Variants in UBR3 observed in about 807,000 individuals in gnomAD.
The protein encoded by UBR3 is E3 ubiquitin-protein ligase UBR3.
UBR3 carries 85 observed loss-of-function variants against 243.2 expected under a neutral mutation model. That is an observed-to-expected ratio of 0.35 (90% CI 0.29 to 0.42). The LOEUF is 0.42. Ranked by LOEUF, UBR3 falls within the 10% of genes least tolerant of loss-of-function variation. The pLI is 1.00. For missense variants in UBR3, 1,686 were observed against 2,300.8 expected, an observed-to-expected ratio of 0.73 and a Z score of 5.47; for synonymous variants, 748 against 799.8, an observed-to-expected ratio of 0.94 and a Z score of 1.09.
chr2:169,859,081 C>CTTTTTTTGTTTTTTTT (rs2082990866), intron 1 of UBR3, among the ~76,000 whole-genome samples: 1 of 99,748 alleles, frequency 1.0e-5, no homozygotes, highest in Non-Finnish European at 2.0e-5. Context: ...CTCACCATGG[C>CTTTTTTTGTTTTTTTT]TTTTTTTTTT....
chr2:170,019,419 C>T (rs1215986883), intron 30 of UBR3, among the ~76,000 whole-genome samples: 4 of 152,130 alleles, frequency 2.6e-5, no homozygotes, highest in African/African-American at 9.7e-5. Flanking sequence ...TGCGGTGGCT[C>T]ACTCATGTGA....
intron 11 of UBR3, among the ~76,000 whole-genome samples, chr2:169,918,701 T>C (rs183360852): frequency 1.8e-4 from 27 of 152,248 alleles, no homozygotes; most frequent in Middle Eastern, 6.8e-3. Context: ...TCCTATAAGA[T>C]AGGCCATTTA....
intron 11 of UBR3, among the ~76,000 whole-genome samples, chr2:169,919,693 A>G (rs1329509179): frequency 6.6e-6 from 1 of 152,254 alleles, no homozygotes; most frequent in Non-Finnish European, 1.5e-5. Context: ...TATGCAGCCA[A>G]AAGACACATG....
intron 35 of UBR3, among the ~76,000 whole-genome samples, chr2:170,067,706 A>G (rs1314128606): frequency 6.6e-6 from 1 of 152,302 alleles, no homozygotes; most frequent in East Asian, 1.9e-4. Flanking sequence ...AAAATCATCA[A>G]ATCTGTGATA....
At chr2:169,853,841 T>C (rs1574050057) in intron 1 of UBR3, among the ~76,000 whole-genome samples, 2 of 152,178 alleles carry the variant, frequency 1.3e-5, no homozygotes, top group South Asian at 4.2e-4. Flanking sequence ...TGTTTATATG[T>C]GCATATGTAT....
chr2:169,915,099 T>C (rs1037687497), intron 11 of UBR3, among the ~76,000 whole-genome samples: 3 of 152,220 alleles, frequency 2.0e-5, no homozygotes, highest in Non-Finnish European at 4.4e-5. Context: ...TTAATTCTTA[T>C]AACTCATTCA....
chr2:169,892,770 G>A lies in UBR3; in HGVS notation c.1105+1539G>A, dbSNP rs372270511. On this transcript the variant is annotated intron_variant, in intron 6 of 38. Transcript: ENST00000272793. ...GTGCACTGAAAAGAAAATATGTAATGGTAAGGAAGAGGCCAGACACTATGC... is the reference window on the plus strand; with the variant it reads ...GTGCACTGAAAAGAAAATATGTAATAGTAAGGAAGAGGCCAGACACTATGC... 2.0e-3 allele frequency among the ~76,000 whole-genome samples: 302 copies of A among 152,246 alleles called. 3 individuals are homozygous for A. The highest frequency in any genetic ancestry group is 7.0e-3 in the African/African-American group (290 of 41,552).
chr2:170,023,143 T>TG (rs1002270373), intron 30 of UBR3, among the ~76,000 whole-genome samples: 39 of 150,332 alleles, frequency 2.6e-4, no homozygotes, highest in South Asian at 8.5e-4. Flanking sequence ...GTTGAGTTTT[T>TG]TTTTTTTTTT....
intron 31 of UBR3, among the ~76,000 whole-genome samples, chr2:170,031,759 A>T (rs370791015): frequency 6.6e-6 from 1 of 152,112 alleles, no homozygotes; most frequent in Non-Finnish European, 1.5e-5. Flanking sequence ...CTCACTTATA[A>T]GTGAGAACGT....
rs534058287 is a variant in UBR3, at chr2:170,083,994, A to G, written c.*2151A>G. ...GGTGTGATATCTTGTATGAATGATCATTTAAATACAGTACATTACTGTAGA... is the reference window on the plus strand; with the variant it reads ...GGTGTGATATCTTGTATGAATGATCGTTTAAATACAGTACATTACTGTAGA... On this transcript the variant is annotated 3_prime_UTR_variant, in exon 39 of 39. Coordinates refer to ENST00000272793, the MANE Select transcript of UBR3 (RefSeq NM_172070.4). 6.6e-6 allele frequency: 1 copy of G among 152,632 alleles called. No individual in the cohort carries two copies. The highest frequency in any genetic ancestry group is 1.5e-5 in the Non-Finnish European group (1 of 68,030). 9.5% of individuals were successfully genotyped at this position (152,632 alleles called of 1,614,324 possible).
chr2:169,941,598 A>G (rs564871746), intron 19 of UBR3, among the ~76,000 whole-genome samples: 1 of 152,324 alleles, frequency 6.6e-6, no homozygotes, highest in Non-Finnish European at 1.5e-5. Flanking sequence ...CCTAACTTTT[A>G]TTACAGTATA....
At position 170,066,277 on chromosome 2, in the gene UBR3, A is replaced by G. The variant is rs79622617; in HGVS notation, c.5019+4834A>G. 5.6e-3 allele frequency among the ~76,000 whole-genome samples: 851 copies of G among 152,330 alleles called. 8 individuals are homozygous for G. The highest frequency in any genetic ancestry group is 0.019 in the African/African-American group (800 of 41,578). On this transcript the variant is annotated intron_variant, in intron 35 of 38. Coordinates refer to ENST00000272793, the MANE Select transcript of UBR3 (RefSeq NM_172070.4). ...CTAATTTTGTTAAATATCTTAGTCTAGCACTATTTCTACCACCATGTTAGG... is the reference window on the plus strand; with the variant it reads ...CTAATTTTGTTAAATATCTTAGTCTGGCACTATTTCTACCACCATGTTAGG...
intron 20 of UBR3, among the ~76,000 whole-genome samples, chr2:169,944,498 T>A (rs563509440): frequency 1.2e-4 from 18 of 152,314 alleles, no homozygotes; most frequent in African/African-American, 3.8e-4. Flanking sequence ...GTTACAAGAC[T>A]ATTATAAATG....
chr2:169,862,063 G>C (rs1012030432), intron 1 of UBR3, among the ~76,000 whole-genome samples: 1 of 151,874 alleles, frequency 6.6e-6, no homozygotes, highest in Non-Finnish European at 1.5e-5. Context: ...TTCATGTACC[G>C]TTACCATATT....
chr2:169,968,796 C>T (rs2087946260), intron 24 of UBR3, among the ~76,000 whole-genome samples: 1 of 152,182 alleles, frequency 6.6e-6, no homozygotes, highest in South Asian at 2.1e-4. Flanking sequence ...TACTAATTTA[C>T]ATTCTTACTA....
intron 32 of UBR3, among the ~76,000 whole-genome samples, chr2:170,052,414 T>C (rs2091239430): frequency 6.6e-6 from 1 of 152,232 alleles, no homozygotes; most frequent in Admixed American, 6.5e-5. Context: ...ATGTTCATTA[T>C]GGCTTTAATC....
In UBR3 at chr2:170,083,318, A is replaced by C. The variant is rs909646516; in HGVS notation, c.*1475A>C. Reference sequence around the variant, plus strand: ...ATATTCAAATGTATTCAGAAAGTCAAAAGATTACCTATCGTTCTACAATAA... The same window carrying C: ...ATATTCAAATGTATTCAGAAAGTCACAAGATTACCTATCGTTCTACAATAA... On this transcript the variant is annotated 3_prime_UTR_variant, in exon 39 of 39. Transcript: ENST00000272793. 6.6e-6 allele frequency: 1 copy of C among 152,626 alleles called. No individual in the cohort carries two copies. The highest frequency in any genetic ancestry group is 1.5e-5 in the Non-Finnish European group (1 of 67,992). The allele number at this position is 152,626 out of a possible 1,614,324, so 9.5% of individuals were successfully genotyped here. A position where few individuals can be genotyped will look rare whatever the true frequency, so the allele number is the denominator to read the frequency against.
At chr2:169,988,490 G>C (rs1382176488) in intron 25 of UBR3, among the ~76,000 whole-genome samples, 2 of 152,094 alleles carry the variant, frequency 1.3e-5, no homozygotes, top group Admixed American at 6.5e-5. Flanking sequence ...TTATCCCTTA[G>C]AGATAGAAGG....
chr2:169,886,465 C>CT (rs2084106448), intron 5 of UBR3, among the ~76,000 whole-genome samples: 1 of 152,144 alleles, frequency 6.6e-6, no homozygotes, highest in South Asian at 2.1e-4. Flanking sequence ...AATATTGTAA[C>CT]TTTCGCATAT....
Sources: gnomAD v4.1 joint callset for allele counts (sites outside exome capture counted in the v4.1 genomes callset) on GRCh38, gnomAD v4.1.1 for gene constraint, MANE v1.5 for transcripts, NCBI Gene and HGNC (gene_info 2026-07-23, HGNC 2026-07-21) for gene names.